Variants in IGFL4 observed in about 807,000 individuals in gnomAD.
IGFL4 encodes IGF like family member 4.
Under a neutral mutation model 15.4 loss-of-function variants are expected in IGFL4, and 12 were observed. That is an observed-to-expected ratio of 0.78 (90% CI 0.50 to 1.26). The LOEUF (loss-of-function observed/expected upper bound fraction) is 1.26. IGFL4 is among the 50% of genes most tolerant of loss of function. The pLI is 0.00. For missense variants in IGFL4, 126 were observed against 147.8 expected (o/e 0.85, Z 0.76); for synonymous variants, 54 against 55.9 (o/e 0.97, Z 0.16).
upstream of IGFL4, among the ~76,000 whole-genome samples, chr19:46,043,140 C>T (rs1969263175): frequency 6.6e-6 from 1 of 152,118 alleles, no homozygotes; most frequent in African/African-American, 2.4e-5. Flanking sequence ...GTATTTCTCG[C>T]TCCTGGAATA....
intron 2 of IGFL4, among the ~76,000 whole-genome samples, chr19:46,051,644 G>A (rs1172051998): frequency 3.9e-5 from 6 of 152,186 alleles, no homozygotes; most frequent in Non-Finnish European, 1.5e-5. Flanking sequence ...CAATACTAAT[G>A]TTAAATGTCA....
At chr19:46,045,164 G>A (rs1161208758), upstream of IGFL4, among the ~76,000 whole-genome samples, 1 of 152,138 alleles carries the variant, frequency 6.6e-6, no homozygotes, top group Non-Finnish European at 1.5e-5. Flanking sequence ...TGGGTAATAG[G>A]CCAGGCGCAG....
intron 2 of IGFL4, among the ~76,000 whole-genome samples, chr19:46,054,247 T>C (rs1969373344): frequency 6.6e-6 from 1 of 152,226 alleles, no homozygotes; most frequent in Non-Finnish European, 1.5e-5. Flanking sequence ...AGGTTTTACA[T>C]GTAAATCTTT....
intron 1 of IGFL4, among the ~76,000 whole-genome samples, chr19:46,060,944 C>T (rs1019091693): frequency 2.6e-5 from 4 of 152,258 alleles, no homozygotes; most frequent in South Asian, 2.1e-4. Flanking sequence ...GTAAGATTCT[C>T]GTAAACTTTT....
chr19:46,073,711 G>A (rs1969567905), intron 1 of IGFL4, among the ~76,000 whole-genome samples: 1 of 152,096 alleles, frequency 6.6e-6, no homozygotes, highest in Admixed American at 6.5e-5. Flanking sequence ...GATCATTCTC[G>A]AGAACTTGGC....
chr19:46,077,448 G>A (rs932948212), upstream of IGFL4, among the ~76,000 whole-genome samples: 7 of 152,178 alleles, frequency 4.6e-5, no homozygotes, highest in African/African-American at 1.7e-4. The surrounding 1 kb of genome is among the most constrained non-coding windows in gnomAD (Gnocchi z 5.4). Flanking sequence ...AAAAGACTGA[G>A]GTAGCTCGGG....
chr19:46,068,942 G>A (rs944902685), intron 1 of IGFL4, among the ~76,000 whole-genome samples: 2 of 152,204 alleles, frequency 1.3e-5, no homozygotes, highest in Non-Finnish European at 2.9e-5. Flanking sequence ...TCATGCTAAA[G>A]ACAGTTTCAT....
In IGFL4 at chr19:46,040,770, G is replaced by A; in HGVS notation, c.19+174C>T. ...GGCTCTGGGAAAAGTTAAGCTTCTGGAATTTGCAGTTCAGGAGACAGATTA... is the reference window on the plus strand; with the variant it reads ...GGCTCTGGGAAAAGTTAAGCTTCTGAAATTTGCAGTTCAGGAGACAGATTA... On this transcript the variant is annotated intron_variant, in intron 1 of 3. Coordinates refer to ENST00000377697, the MANE Select transcript of IGFL4 (RefSeq NM_001002923.3). This position sits in a 1 kb window ranked among gnomAD's most constrained non-coding sequence, Gnocchi z 4.1. The A allele has an allele frequency of 1.1e-6, 1 of 942,864 alleles. No individual in the cohort carries two copies. The highest frequency in any genetic ancestry group is 1.5e-5 in the South Asian group (1 of 68,806). The allele number at this position is 942,864 out of a possible 1,614,324, so 58.4% of individuals were successfully genotyped here.
intron 1 of IGFL4, among the ~76,000 whole-genome samples, chr19:46,076,567 C>T (rs1451004915): frequency 1.3e-5 from 2 of 151,464 alleles, no homozygotes; most frequent in Non-Finnish European, 2.9e-5. Flanking sequence ...AAATTTATTC[C>T]GTGGTTCTAG....
At chr19:46,044,865 C>T (rs756102874), upstream of IGFL4, among the ~76,000 whole-genome samples, 4 of 151,300 alleles carry the variant, frequency 2.6e-5, no homozygotes, top group African/African-American at 7.3e-5. Context: ...ACCCCCAGCA[C>T]ACCACAGCAG....
In IGFL4 at chr19:46,039,467, G is replaced by A; in HGVS notation, c.*425C>T. ...GCTTGATGGGGATGGCATTGAATCT[G>A]TAAATTACCTTGGGCAGTATGGCCA... On this transcript the variant is annotated 3_prime_UTR_variant, in exon 4 of 4. Coordinates refer to ENST00000377697, the MANE Select transcript of IGFL4 (RefSeq NM_001002923.3). Among the ~76,000 whole-genome samples, 3 of 121,050 alleles carry A rather than the reference G, an allele frequency of 2.5e-5. No individual in the cohort carries two copies. Among genetic ancestry groups the A allele is most frequent in the Admixed American group, 1.8e-4 (2 of 11,180 alleles). The allele number at this position is 121,050 out of a possible 152,430, so 79.4% of individuals were successfully genotyped here.
chr19:46,060,510 G>C (rs1200736827), intron 1 of IGFL4, among the ~76,000 whole-genome samples: 7 of 152,140 alleles, frequency 4.6e-5, no homozygotes, highest in African/African-American at 1.7e-4. Context: ...ATATCTGCTA[G>C]AGTCCTATAG....
chr19:46,069,153 TG>T (rs1969522023), intron 1 of IGFL4, among the ~76,000 whole-genome samples: 1 of 151,730 alleles, frequency 6.6e-6, no homozygotes, highest in South Asian at 2.1e-4. Flanking sequence ...TGAGAGGGAG[TG>T]GAGGACTTTG....
Position 46,039,697 on chromosome 19 carries a change from T to C in IGFL4, c.*195A>G. On this transcript the variant is annotated 3_prime_UTR_variant, in exon 4 of 4. Transcript: ENST00000377697. ...CTCATGATTTGGCTCTCTGTTTGTC[T>C]GTTGTTGGTGTATAAGAATGCTTGT... The C allele has an allele frequency of 6.1e-6, 3 of 494,856 alleles. No homozygotes were observed. Among genetic ancestry groups the C allele is most frequent in the Non-Finnish European group, 1.1e-5 (3 of 266,232 alleles). The allele number at this position is 494,856 out of a possible 1,614,324, so 30.7% of individuals were successfully genotyped here.
At chr19:46,057,005 C>T (rs1316175719) in intron 2 of IGFL4, among the ~76,000 whole-genome samples, 1 of 151,976 alleles carries the variant, frequency 6.6e-6, no homozygotes, top group African/African-American at 2.4e-5. Context: ...CCTTTCTGGA[C>T]AATAAGGTAG....
upstream of IGFL4, among the ~76,000 whole-genome samples, chr19:46,045,965 A>G (rs904670674): frequency 5.9e-5 from 9 of 152,192 alleles, no homozygotes; most frequent in African/African-American, 2.2e-4. Context: ...TATAATCAGC[A>G]GATTCTTCAT....
chr19:46,054,845 TAAAG>T (rs1262935088), intron 2 of IGFL4, among the ~76,000 whole-genome samples: 1 of 152,180 alleles, frequency 6.6e-6, no homozygotes, highest in Non-Finnish European at 1.5e-5. Flanking sequence ...AGTTGGAAGA[TAAAG>T]GAAGATGGCC....
At chr19:46,053,575 T>A (rs1483717258) in intron 2 of IGFL4, among the ~76,000 whole-genome samples, 2 of 152,194 alleles carry the variant, frequency 1.3e-5, no homozygotes, top group Non-Finnish European at 2.9e-5. Flanking sequence ...ACTACTGCAA[T>A]AAACATGGAG....
chr19:46,063,954 C>T (rs1969470577), intron 1 of IGFL4, among the ~76,000 whole-genome samples: 1 of 152,020 alleles, frequency 6.6e-6, no homozygotes, highest in Non-Finnish European at 1.5e-5. Flanking sequence ...TGCCTGTAAT[C>T]CCAGCTACTT....
Sources: gnomAD v4.1 joint callset for allele counts (sites outside exome capture counted in the v4.1 genomes callset) on GRCh38, gnomAD v4.1.1 for gene constraint, Gnocchi (gnomAD v3.1) non-coding constraint, MANE v1.5 for transcripts, NCBI Gene and HGNC (gene_info 2026-07-23, HGNC 2026-07-21) for gene names.